The following PTPRK variants were observed in gnomAD, a reference collection of about 807,000 sequenced individuals.
PTPRK encodes the protein protein tyrosine phosphatase receptor type K.
PTPRK carries 75 observed loss-of-function variants against 178.0 expected under a neutral mutation model. The observed-to-expected ratio is 0.42, with a 90% CI of 0.35 to 0.51. The LOEUF (loss-of-function observed/expected upper bound fraction) is 0.51, where lower values mean the gene tolerates loss of function less well. Among genes scored for constraint, PTPRK ranks in the 20% least tolerant of loss-of-function variants. The pLI, the probability that PTPRK is intolerant of heterozygous loss-of-function variation, is 0.02. For missense variants in PTPRK, 1,441 were observed against 1,797.8 expected (o/e 0.80, Z 3.59); for synonymous variants, 637 against 620.6 (o/e 1.03, Z -0.39).
chr6:128,110,708 G>GAAA (rs1562601822), intron 7 of PTPRK, among the ~76,000 whole-genome samples: 1 of 152,068 alleles, frequency 6.6e-6, no homozygotes, highest in Admixed American at 6.6e-5. Context: ...ATTCAGTGTT[G>GAAA]AAGAAAATGA....
At chr6:128,084,220 C>T (rs1388473722) in intron 8 of PTPRK, among the ~76,000 whole-genome samples, 1 of 151,946 alleles carries the variant, frequency 6.6e-6, no homozygotes, top group Non-Finnish European at 1.5e-5. Flanking sequence ...TATGCAAATC[C>T]CCCAAAGAGT....
At chr6:128,385,378 T>C (rs893549754) in intron 2 of PTPRK, among the ~76,000 whole-genome samples, 6 of 152,178 alleles carry the variant, frequency 3.9e-5, no homozygotes, top group Non-Finnish European at 8.8e-5. Flanking sequence ...TATTTTTTAA[T>C]TAGCTCAACA....
chr6:128,438,919 G>A (rs1332714183), intron 1 of PTPRK, among the ~76,000 whole-genome samples: 3 of 151,696 alleles, frequency 2.0e-5, no homozygotes, highest in Non-Finnish European at 2.9e-5. Flanking sequence ...TGAAACAGAA[G>A]TTTAGAGAAA....
intron 6 of PTPRK, among the ~76,000 whole-genome samples, chr6:128,203,483 G>T (rs571136184): frequency 6.4e-4 from 98 of 152,228 alleles, no homozygotes; most frequent in African/African-American, 2.2e-3. Context: ...AGAGGAAGTT[G>T]AATTATCTTT....
At chr6:128,016,040 G>C (rs1314002134) in intron 13 of PTPRK, among the ~76,000 whole-genome samples, 1 of 151,646 alleles carries the variant, frequency 6.6e-6, no homozygotes, top group African/African-American at 2.4e-5. Context: ...GAAATGCTCA[G>C]TATATAGCTT....
intron 13 of PTPRK, among the ~76,000 whole-genome samples, chr6:128,041,970 T>A (rs928318229): frequency 9.2e-5 from 14 of 151,924 alleles, no homozygotes; most frequent in African/African-American, 1.7e-4. Context: ...TTACCTCATA[T>A]CCAAATTGAT....
rs753430773 is a variant in PTPRK, at chr6:128,397,642, C to A, written c.147G>T (p.Gln49His). 52 of 1,613,368 alleles carry A rather than the reference C, an allele frequency of 3.2e-5. No individual in the cohort carries two copies. Among genetic ancestry groups the A allele is most frequent in the Non-Finnish European group, 4.2e-5 (49 of 1,179,546 alleles). ...CCCATTCAAAGTCATCATACAGATC[C>A]TGGTGGTAATCACAGGCCCCTGGAC... ...DDGPGACDYHQDLYDDFEWVH... is the reference protein window; with the variant it reads ...DDGPGACDYHHDLYDDFEWVH... The change falls in exon 2 of 30, where the codon CAG (glutamine) becomes CAT (histidine). Residue 49 changes from glutamine (Q) to histidine (H), a missense_variant. Physicochemically the swap from Gln to His is conservative, Grantham distance 24 (BLOSUM62 0). This residue lies in a region of PTPRK where 158 missense variants were observed against 188.0 expected (regional missense o/e 0.84). Coordinates refer to ENST00000368226, the MANE Select transcript of PTPRK (RefSeq NM_002844.4).
intron 7 of PTPRK, among the ~76,000 whole-genome samples, chr6:128,166,418 T>C (rs1239325237): frequency 6.6e-6 from 1 of 151,700 alleles, no homozygotes; most frequent in Non-Finnish European, 1.5e-5. Flanking sequence ...CTTAACTTCT[T>C]TGAGATTCTG....
intron 6 of PTPRK, among the ~76,000 whole-genome samples, chr6:128,200,234 A>G (rs1032618450): frequency 3.3e-5 from 5 of 152,188 alleles, no homozygotes; most frequent in Non-Finnish European, 7.3e-5. Flanking sequence ...TGCCACTGTT[A>G]GTTCAGAGAA....
intron 2 of PTPRK, among the ~76,000 whole-genome samples, chr6:128,381,732 A>T (rs1018217727): frequency 6.6e-6 from 1 of 152,176 alleles, no homozygotes; most frequent in African/African-American, 2.4e-5. Flanking sequence ...AAGCTAAGAA[A>T]GGTTGTATGT....
At chr6:128,466,796 T>C (rs1041641879) in intron 1 of PTPRK, among the ~76,000 whole-genome samples, 1 of 152,140 alleles carries the variant, frequency 6.6e-6, no homozygotes, top group Non-Finnish European at 1.5e-5. Flanking sequence ...ATTTTTCAGC[T>C]AAGGCATTTA....
intron 6 of PTPRK, among the ~76,000 whole-genome samples, chr6:128,207,113 G>A (rs1445700401): frequency 6.6e-6 from 1 of 152,116 alleles, no homozygotes; most frequent in East Asian, 1.9e-4. Flanking sequence ...TCGGGCTCAA[G>A]GTGCTGAGAT....
rs571192849 is a variant in PTPRK at position 128,163,154 on chromosome 6, T to C, written c.1162+21278A>G. 3.3e-3 allele frequency among the ~76,000 whole-genome samples: 496 copies of C among 151,430 alleles called. 2 individuals carry two copies. The highest frequency in any genetic ancestry group is 0.011 in the African/African-American group (466 of 41,488). ...TGGACTGGGATGGGCTTAAATTAGT[T>C]AACAATTTTTCATTTTCCCCATTCT... On this transcript the variant is annotated intron_variant, in intron 7 of 29. Coordinates refer to ENST00000368226, the MANE Select transcript of PTPRK (RefSeq NM_002844.4).
chr6:128,048,795 A>G (rs1778515532), intron 13 of PTPRK, among the ~76,000 whole-genome samples: 1 of 152,196 alleles, frequency 6.6e-6, no homozygotes, highest in Non-Finnish European at 1.5e-5. Context: ...GGACTTGAGC[A>G]TAACTGATTT....
chr6:128,166,456 T>A (rs1157998193), intron 7 of PTPRK, among the ~76,000 whole-genome samples: 1 of 151,604 alleles, frequency 6.6e-6, no homozygotes, highest in Non-Finnish European at 1.5e-5. Context: ...TATAACAACA[T>A]CAGGACTCCT....
chr6:128,286,262 G>A (rs144479058), intron 3 of PTPRK, among the ~76,000 whole-genome samples: 91 of 152,134 alleles, frequency 6.0e-4, no homozygotes, highest in African/African-American at 2.1e-3. Flanking sequence ...CGAACTGTGC[G>A]TTTATAGTTT....
chr6:128,078,876 T>C lies in PTPRK; in HGVS notation c.1820A>G (p.Asn607Ser), dbSNP rs755010148. The change falls in exon 11 of 30, where the codon AAT (asparagine) becomes AGT (serine). Residue 607 changes from asparagine (N) to serine (S), a missense_variant. Asn to Ser is a conservative substitution (Grantham distance 46, BLOSUM62 1). Coordinates refer to ENST00000368226, the MANE Select transcript of PTPRK (RefSeq NM_002844.4). ...PDYEGVDASL[N>S]ETATTITVLL... is the part of the protein sequence containing the mutation. ...TACAGTTATTGTGGTGGCAGTTTCA[T>C]TGAGAGAGGCATCAACTCCTTCATA... 9.3e-6 allele frequency: 15 copies of C among 1,612,326 alleles called. No homozygotes were observed. The highest frequency in any genetic ancestry group is 3.3e-5 in the Admixed American group (2 of 59,860).
At chr6:128,336,755 A>G (rs944314175) in intron 2 of PTPRK, among the ~76,000 whole-genome samples, 1 of 152,082 alleles carries the variant, frequency 6.6e-6, no homozygotes, top group African/African-American at 2.4e-5. Context: ...ATAAACAAAA[A>G]CTTCTTTTCC....
At chr6:128,069,894 T>C (rs1416510920) in intron 11 of PTPRK, among the ~76,000 whole-genome samples, 2 of 152,102 alleles carry the variant, frequency 1.3e-5, no homozygotes, top group East Asian at 3.9e-4. Flanking sequence ...GAAGAAAAGG[T>C]GCAATAGGCT....
Sources: gnomAD v4.1 joint callset for allele counts (sites outside exome capture counted in the v4.1 genomes callset) on GRCh38, gnomAD v4.1.1 for gene constraint, gnomAD v4.1.1 regional missense constraint, MANE v1.5 for transcripts, NCBI Gene and HGNC (gene_info 2026-07-23, HGNC 2026-07-21) for gene names.